Variants in PDE4D observed in about 807,000 individuals in gnomAD.
PDE4D encodes the protein 3',5'-cyclic-AMP phosphodiesterase 4D.
PDE4D carries 24 observed loss-of-function variants against 87.4 expected under a neutral mutation model. The ratio of observed to expected loss-of-function variants is 0.27; its 90% confidence interval spans 0.20 to 0.39. The LOEUF (loss-of-function observed/expected upper bound fraction) is 0.39, where lower values mean the gene tolerates loss of function less well. Ranked by LOEUF, PDE4D falls within the 10% of genes least tolerant of loss-of-function variation. PDE4D has a pLI of 1.00. For missense variants in PDE4D, 714 were observed against 1,041.0 expected (o/e 0.69, Z 4.32); for synonymous variants, 384 against 383.2 (o/e 1.00, Z -0.02).
intron 5 of PDE4D, among the ~76,000 whole-genome samples, chr5:59,065,063 TATATACACACACACACACAC>T (rs1357348387): frequency 0.084 from 9,158 of 109,306 alleles, 472 homozygotes; most frequent in Middle Eastern, 0.13. Context: ...ATGTGATATA[TATATACACACACACACACAC>T]ACACACACAC....
At chr5:59,017,352 T>A (rs531385364) in intron 6 of PDE4D, among the ~76,000 whole-genome samples, 3 of 152,300 alleles carry the variant, frequency 2.0e-5, no homozygotes, top group Non-Finnish European at 4.4e-5. Flanking sequence ...AATCAACTCC[T>A]AGACTTCTGG....
chr5:60,099,147 G>C (rs995546034), intron 2 of PDE4D, among the ~76,000 whole-genome samples: 6 of 151,940 alleles, frequency 3.9e-5, no homozygotes, highest in Non-Finnish European at 5.9e-5. Context: ...GCCCAGCAAA[G>C]TTTCTGCTGA....
chr5:60,141,294 G>T (rs1367283000), intron 2 of PDE4D, among the ~76,000 whole-genome samples: 1 of 152,174 alleles, frequency 6.6e-6, no homozygotes, highest in Non-Finnish European at 1.5e-5. Flanking sequence ...TGTCTTGAAT[G>T]ACGTCATCAG....
chr5:59,954,514 G>A (rs1474914737), intron 3 of PDE4D, among the ~76,000 whole-genome samples: 3 of 152,088 alleles, frequency 2.0e-5, no homozygotes, highest in African/African-American at 4.8e-5. Flanking sequence ...GAAAAAAGCC[G>A]GGAAGATTAA....
In PDE4D at chr5:59,370,472, G is replaced by A. The variant is rs562032452; in HGVS notation, c.456-154504C>T. Among the ~76,000 whole-genome samples, 78 of 152,136 alleles carry A rather than the reference G, an allele frequency of 5.1e-4. 1 individual carries two copies. Among genetic ancestry groups the A allele is most frequent in the Non-Finnish European group, 9.7e-4 (66 of 67,986 alleles). ...TTTTTCTTGAAACACTCTTCCTTTG[G>A]AAAAATGCATAATTCACTCATTTTG... On this transcript the variant is annotated intron_variant, in intron 1 of 14. Transcript: ENST00000340635.
At chr5:59,537,148 A>C (rs1484835474) in intron 1 of PDE4D, among the ~76,000 whole-genome samples, 1 of 152,220 alleles carries the variant, frequency 6.6e-6, no homozygotes, top group Non-Finnish European at 1.5e-5. Flanking sequence ...GTAGAGTAAA[A>C]GAATTCAGAG....
At chr5:58,976,615 G>A in intron 12 of PDE4D, 143 bp from the exon 13 acceptor site, 1 of 673,136 alleles carries the variant, frequency 1.5e-6, no homozygotes. Flanking sequence ...CTCCTTGGGG[G>A]CAGAGTCTTT....
intron 3 of PDE4D, among the ~76,000 whole-genome samples, chr5:59,903,014 AGTG>A (rs2152763823): frequency 6.6e-6 from 1 of 152,268 alleles, no homozygotes; most frequent in African/African-American, 2.4e-5. Context: ...ATTTTTGTGA[AGTG>A]GTGTGTGTAG....
intron 1 of PDE4D, among the ~76,000 whole-genome samples, chr5:59,665,358 G>T (rs992482751): frequency 1.3e-5 from 2 of 152,210 alleles, no homozygotes; most frequent in African/African-American, 4.8e-5. Flanking sequence ...ACAACTGTGA[G>T]TTGATGGAGT....
At chr5:59,576,567 A>G (rs887107414) in intron 1 of PDE4D, among the ~76,000 whole-genome samples, 4 of 152,186 alleles carry the variant, frequency 2.6e-5, no homozygotes, top group Non-Finnish European at 4.4e-5. Flanking sequence ...GTACCTATTA[A>G]GTACAACACC....
chr5:59,626,020 G>T (rs1048683964), intron 1 of PDE4D, among the ~76,000 whole-genome samples: 1 of 152,194 alleles, frequency 6.6e-6, no homozygotes, highest in African/African-American at 2.4e-5. Flanking sequence ...CCCAGGAGGC[G>T]GAGCTTGCAG....
chr5:59,222,394 T>G (rs1369153155), intron 1 of PDE4D, among the ~76,000 whole-genome samples: 1 of 152,112 alleles, frequency 6.6e-6, no homozygotes, highest in Non-Finnish European at 1.5e-5. Flanking sequence ...CTGTGCTGAG[T>G]AAATAGCTTT....
intron 1 of PDE4D, among the ~76,000 whole-genome samples, chr5:59,594,606 G>A (rs1047767952): frequency 6.6e-6 from 1 of 152,058 alleles, no homozygotes; most frequent in African/African-American, 2.4e-5. Context: ...CCAGGCATGA[G>A]CCACCATGCC....
upstream of PDE4D, among the ~76,000 whole-genome samples, chr5:60,489,396 G>A (rs1749395649): frequency 6.6e-6 from 1 of 152,142 alleles, no homozygotes; most frequent in African/African-American, 2.4e-5. Context: ...AGAAAATTTT[G>A]CTTTATTTAG....
chr5:60,209,187 CTTT>C (rs58524375), intron 1 of PDE4D, among the ~76,000 whole-genome samples: 6 of 108,468 alleles, frequency 5.5e-5, no homozygotes, highest in Non-Finnish European at 5.5e-5. Context: ...TTCTTTTTTT[CTTT>C]TTTTTTTTTT....
chr5:59,963,847 C>T (rs1486086858), intron 3 of PDE4D, among the ~76,000 whole-genome samples: 2 of 152,078 alleles, frequency 1.3e-5, no homozygotes, highest in African/African-American at 4.8e-5. Context: ...CTCTAAGATC[C>T]CAACCCTCCT....
At chr5:58,980,143 G>A (rs1048918279) in intron 11 of PDE4D, among the ~76,000 whole-genome samples, 11 of 152,180 alleles carry the variant, frequency 7.2e-5, no homozygotes, top group Non-Finnish European at 1.5e-4. Flanking sequence ...CCATATAGGT[G>A]GGAAGTAAGT....
chr5:59,678,407 C>A (rs1420812682), intron 1 of PDE4D, among the ~76,000 whole-genome samples: 2 of 151,978 alleles, frequency 1.3e-5, no homozygotes, highest in African/African-American at 4.8e-5. Context: ...TGACAAATTT[C>A]AATGCTAATA....
intron 1 of PDE4D, chr5:60,448,843 T>C (rs760824173): frequency 6.6e-6 from 1 of 152,110 alleles, no homozygotes; most frequent in Non-Finnish European, 1.5e-5. Flanking sequence ...CTTTGCATAA[T>C]GTTTAGTTTC....
Sources: gnomAD v4.1 joint callset for allele counts (sites outside exome capture counted in the v4.1 genomes callset) on GRCh38, gnomAD v4.1.1 for gene constraint, MANE v1.5 for transcripts, NCBI Gene and HGNC (gene_info 2026-07-23, HGNC 2026-07-21) for gene names.